The following NDUFAF6 variants were observed in gnomAD, a reference collection of about 807,000 sequenced individuals.
NDUFAF6 encodes the protein NADH dehydrogenase (ubiquinone) complex I, assembly factor 6.
In NDUFAF6, 45 loss-of-function variants were observed where a neutral mutation model predicts 40.8. The ratio of observed to expected loss-of-function variants is 1.10; its 90% CI spans 0.87 to 1.42. NDUFAF6 has a LOEUF of 1.42. NDUFAF6 is among the 40% of genes most tolerant of loss of function. NDUFAF6 has a pLI of 0.00. For missense variants in NDUFAF6, 435 were observed against 418.5 expected (o/e 1.04, Z -0.34); for synonymous variants, 185 against 155.9 (o/e 1.19, Z -1.39).
In NDUFAF6 at chr8:95,012,738, C is replaced by T. The variant is rs184240899; in HGVS notation, c.-83-19257C>T. On this transcript the variant is annotated intron_variant, in intron 2 of 9. Transcript: ENST00000396111. ...CCAGCTACTTGGGAGGTGGGAAGATCGCTTGAGCATGAGAGGTAGAGGCTG... is the reference window on the plus strand; with the variant it reads ...CCAGCTACTTGGGAGGTGGGAAGATTGCTTGAGCATGAGAGGTAGAGGCTG... Among the ~76,000 whole-genome samples the T allele has an allele frequency of 1.5e-4, 23 of 152,116 alleles. No homozygotes were observed. In the Middle Eastern group the frequency reaches 0.017, roughly 112 times the overall value.
At chr8:94,998,915 C>G (rs114938857) in intron 2 of NDUFAF6, among the ~76,000 whole-genome samples, 1 of 151,828 alleles carries the variant, frequency 6.6e-6, no homozygotes, top group African/African-American at 2.4e-5. Flanking sequence ...GGGTTTGTTA[C>G]GGTTGGAGAG....
chr8:94,978,901 T>C (rs1825185263), intron 1 of NDUFAF6, among the ~76,000 whole-genome samples: 1 of 152,136 alleles, frequency 6.6e-6, no homozygotes, highest in Non-Finnish European at 1.5e-5. Context: ...GACTGAGCCC[T>C]TAACCTGTGG....
chr8:94,987,117 A>G (rs1292651615), intron 2 of NDUFAF6, among the ~76,000 whole-genome samples: 1 of 152,234 alleles, frequency 6.6e-6, no homozygotes, highest in Non-Finnish European at 1.5e-5. Context: ...AGTACAGACT[A>G]TCCAGGATTC....
chr8:94,903,871 T>C (rs774443643), intron 1 of NDUFAF6, among the ~76,000 whole-genome samples: 1 of 152,184 alleles, frequency 6.6e-6, no homozygotes, highest in Non-Finnish European at 1.5e-5. Flanking sequence ...GATGCTAGGC[T>C]GAACCAGGAT....
chr8:95,055,778 A>G (rs979014729), intron 8 of NDUFAF6, among the ~76,000 whole-genome samples: 5 of 152,194 alleles, frequency 3.3e-5, no homozygotes, highest in Non-Finnish European at 7.3e-5. Flanking sequence ...ACTTGTTAAT[A>G]TTTGCTATAT....
At chr8:94,936,505 A>G (rs573708047) in intron 1 of NDUFAF6, among the ~76,000 whole-genome samples, 1 of 152,300 alleles carries the variant, frequency 6.6e-6, no homozygotes, top group African/African-American at 2.4e-5. Context: ...CTTTGATCAA[A>G]GAAGGTAAAA....
intron 4 of NDUFAF6, among the ~76,000 whole-genome samples, chr8:95,114,954 C>T (rs1195502368): frequency 6.6e-6 from 1 of 151,760 alleles, no homozygotes; most frequent in Non-Finnish European, 1.5e-5. Context: ...CCCAGCTACT[C>T]GGGAGGCTGA....
At chr8:94,896,755 C>T (rs2131145967) in intron 1 of NDUFAF6, 1 of 152,268 alleles carries the variant, frequency 6.6e-6, no homozygotes, top group African/African-American at 2.4e-5. Flanking sequence ...TGTGCTGCGC[C>T]GCTCGAGCGC....
intron 3 of NDUFAF6, among the ~76,000 whole-genome samples, chr8:95,036,797 A>G (rs2131817422): frequency 6.6e-6 from 1 of 152,306 alleles, no homozygotes; most frequent in South Asian, 2.1e-4. Context: ...CCAATTTAGG[A>G]TTGCTAAATT....
chr8:95,064,675 C>CTT (rs1190152163), intron 9 of NDUFAF6, among the ~76,000 whole-genome samples: 1 of 151,320 alleles, frequency 6.6e-6, no homozygotes, highest in African/African-American at 2.4e-5. Context: ...GGAAAACAAT[C>CTT]TCTCTGACCT....
intron 1 of NDUFAF6, among the ~76,000 whole-genome samples, chr8:94,937,266 C>T (rs1305419761): frequency 1.3e-5 from 2 of 151,964 alleles, no homozygotes; most frequent in Non-Finnish European, 2.9e-5. Flanking sequence ...TATGGTGAAA[C>T]CCCCTTTCTA....
chr8:95,011,520 C>T lies in NDUFAF6; in HGVS notation c.-83-20475C>T, dbSNP rs144684934. On this transcript the variant is annotated intron_variant, in intron 2 of 9. Transcript: ENST00000396111. ...GGGAAATAACTGGGCATGGTAAGAA[C>T]GGAGAGTGACATTTGGGAGCTGAAT... Among the ~76,000 whole-genome samples, 19 of 152,258 alleles carry T rather than the reference C, an allele frequency of 1.2e-4. No homozygotes were observed. In the East Asian group the frequency reaches 3.5e-3, roughly 28 times the overall value.
chr8:95,074,931 A>G lies in NDUFAF6; in HGVS notation c.*512-702A>G, dbSNP rs185832334. Among the ~76,000 whole-genome samples the G allele has an allele frequency of 5.1e-4, 77 of 152,256 alleles. No homozygotes were observed. The South Asian group carries it at 0.01, about 21-fold the overall frequency. ...AAATTCCTTCTTTTACAACCTCAAA[A>G]ATTTCATTCAAAGAAAGCAGGAATG... On this transcript the variant is annotated intron_variant and NMD_transcript_variant, in intron 9 of 9. Transcript: ENST00000520757.
chr8:95,027,125 T>G (rs1294760127), intron 1 of NDUFAF6, among the ~76,000 whole-genome samples: 1 of 152,206 alleles, frequency 6.6e-6, no homozygotes, highest in African/African-American at 2.4e-5. Flanking sequence ...CTCAAGTATA[T>G]ATACTGTATT....
intron 1 of NDUFAF6, among the ~76,000 whole-genome samples, chr8:94,959,665 G>A (rs1823399962): frequency 6.6e-6 from 1 of 151,948 alleles, no homozygotes; most frequent in African/African-American, 2.4e-5. Context: ...TGAGTAGTTG[G>A]GACTACAGGT....
At chr8:94,984,766 C>T (rs979468094) in intron 2 of NDUFAF6, among the ~76,000 whole-genome samples, 4 of 152,108 alleles carry the variant, frequency 2.6e-5, no homozygotes, top group Non-Finnish European at 5.9e-5. Flanking sequence ...TTCATGTACA[C>T]GGATGGGAGA....
chr8:95,012,715 A>G (rs1445743871), intron 2 of NDUFAF6, among the ~76,000 whole-genome samples: 1 of 152,122 alleles, frequency 6.6e-6, no homozygotes, highest in Admixed American at 6.6e-5. Flanking sequence ...CTGTGGTCCC[A>G]GCTACTTGGG....
At chr8:94,918,722 G>C (rs1819300220) in intron 1 of NDUFAF6, among the ~76,000 whole-genome samples, 1 of 152,004 alleles carries the variant, frequency 6.6e-6, no homozygotes, top group Admixed American at 6.6e-5. Context: ...TCCTCCTTTT[G>C]CCCTCTTCCC....
At chr8:94,916,941 C>G (rs538838577) in intron 1 of NDUFAF6, among the ~76,000 whole-genome samples, 1 of 151,636 alleles carries the variant, frequency 6.6e-6, no homozygotes, top group African/African-American at 2.4e-5. Context: ...GGTGAAACCC[C>G]GTCTCTACTA....
Sources: allele counts gnomAD v4.1 joint callset (sites outside exome capture counted in the v4.1 genomes callset), GRCh38; gene constraint gnomAD v4.1.1; transcripts MANE v1.5; gene names NCBI Gene and HGNC (gene_info 2026-07-23, HGNC 2026-07-21).